Variants in CACNA2D3 observed in about 807,000 individuals in gnomAD.
CACNA2D3 encodes calcium voltage-gated channel auxiliary subunit alpha2delta 3.
A neutral mutation model predicts 160.6 loss-of-function variants in CACNA2D3; 60 were observed. The observed-to-expected ratio is 0.37, with a 90% CI of 0.30 to 0.46. CACNA2D3 has a LOEUF of 0.46. Among genes scored for constraint, CACNA2D3 ranks in the 20% least tolerant of loss-of-function variants. CACNA2D3 has a pLI of 1.00. For missense variants in CACNA2D3, 1,205 were observed against 1,365.0 expected, an observed-to-expected ratio of 0.88 and a Z score of 1.85; for synonymous variants, 558 against 492.9, an observed-to-expected ratio of 1.13 and a Z score of -1.75.
chr3:54,274,010 G>C (rs1301379992), intron 2 of CACNA2D3, among the ~76,000 whole-genome samples: 1 of 143,942 alleles, frequency 6.9e-6, no homozygotes, highest in South Asian at 2.1e-4. Context: ...GTGGGCGTAT[G>C]GCTGTCATTA....
chr3:54,477,461 T>C (rs1047604696), intron 4 of CACNA2D3, among the ~76,000 whole-genome samples: 3 of 152,134 alleles, frequency 2.0e-5, no homozygotes, highest in South Asian at 2.1e-4. Context: ...GCTTCTCTTC[T>C]TGTGTTTCCC....
chr3:54,400,499 C>T (rs1406124925), intron 4 of CACNA2D3, among the ~76,000 whole-genome samples: 1 of 152,168 alleles, frequency 6.6e-6, no homozygotes, highest in Non-Finnish European at 1.5e-5. Flanking sequence ...ATCTAAGACT[C>T]ACCATTGTGT....
intron 9 of CACNA2D3, among the ~76,000 whole-genome samples, chr3:54,617,411 C>G (rs1698877054): frequency 6.6e-6 from 1 of 152,182 alleles, no homozygotes; most frequent in African/African-American, 2.4e-5. Context: ...CCCTCAAGTT[C>G]AGACGTGGTG....
chr3:54,456,309 T>G (rs1249911825), intron 4 of CACNA2D3, among the ~76,000 whole-genome samples: 1 of 152,022 alleles, frequency 6.6e-6, no homozygotes, highest in African/African-American at 2.4e-5. Flanking sequence ...TTTATTTATT[T>G]TTGGTACCAA....
At chr3:54,681,016 G>T (rs942053082) in intron 11 of CACNA2D3, among the ~76,000 whole-genome samples, 5 of 152,090 alleles carry the variant, frequency 3.3e-5, no homozygotes, top group Non-Finnish European at 5.9e-5. Flanking sequence ...TTAAGAGAGA[G>T]AACATGGCTT....
At chr3:55,014,769 A>T (rs1271667720) in intron 34 of CACNA2D3, among the ~76,000 whole-genome samples, 1 of 152,132 alleles carries the variant, frequency 6.6e-6, no homozygotes, top group Non-Finnish European at 1.5e-5. Context: ...TATCCGGTAG[A>T]TTGCAAGCAG....
At chr3:54,944,814 GGTGTGTGT>G (rs34193625) in intron 27 of CACNA2D3, among the ~76,000 whole-genome samples, 68 of 111,410 alleles carry the variant, frequency 6.1e-4, no homozygotes, top group Non-Finnish European at 8.6e-4. Flanking sequence ...TAGAGCTGGG[GGTGTGTGT>G]GTGTGTGTGT....
intron 35 of CACNA2D3, among the ~76,000 whole-genome samples, chr3:55,029,643 T>C (rs894154221): frequency 1.3e-5 from 2 of 152,156 alleles, no homozygotes; most frequent in African/African-American, 4.8e-5. Context: ...CTGGGTCTAC[T>C]TGAGCTCTTG....
intron 12 of CACNA2D3, among the ~76,000 whole-genome samples, chr3:54,760,181 C>A (rs573215753): frequency 6.6e-6 from 1 of 152,102 alleles, no homozygotes; most frequent in Non-Finnish European, 1.5e-5. Flanking sequence ...TCTGAAGGGA[C>A]TGATGCAGGG....
intron 35 of CACNA2D3, among the ~76,000 whole-genome samples, chr3:55,024,410 T>A (rs1703520976): frequency 6.6e-6 from 1 of 152,060 alleles, no homozygotes; most frequent in Non-Finnish European, 1.5e-5. Flanking sequence ...AAAATCTACT[T>A]GTTGGAACCT....
At position 54,306,899 on chromosome 3, in the gene CACNA2D3, G is replaced by C. The variant is rs56998438; in HGVS notation, c.205-13543G>C. 3.8e-3 allele frequency among the ~76,000 whole-genome samples: 584 copies of C among 152,290 alleles called. 15 individuals carry two copies. In the East Asian group the frequency reaches 0.063, roughly 16 times the overall value. On this transcript the variant is annotated intron_variant, in intron 2 of 37. Coordinates refer to ENST00000474759, the MANE Select transcript of CACNA2D3 (RefSeq NM_018398.3). ...ATGTTCAAAGAACTGGACTCAGTGG[G>C]AGATTTCATATAAAAACACAGATTT...
At chr3:54,467,956 A>G (rs1345518621) in intron 4 of CACNA2D3, among the ~76,000 whole-genome samples, 4 of 152,240 alleles carry the variant, frequency 2.6e-5, no homozygotes, top group Non-Finnish European at 5.9e-5. Context: ...TACACAGTGT[A>G]TGCATGTGTC....
At chr3:54,690,441 A>G (rs1287057518) in intron 11 of CACNA2D3, among the ~76,000 whole-genome samples, 1 of 152,216 alleles carries the variant, frequency 6.6e-6, no homozygotes, top group Non-Finnish European at 1.5e-5. Flanking sequence ...CTAAATACTC[A>G]TAACAGGGCC....
At chr3:54,973,796 C>T (rs969534118) in intron 29 of CACNA2D3, among the ~76,000 whole-genome samples, 2 of 152,160 alleles carry the variant, frequency 1.3e-5, no homozygotes, top group South Asian at 2.1e-4. Flanking sequence ...TTGATATGAT[C>T]ATTAGTTAAT....
chr3:54,382,492 G>A (rs2106649395), intron 3 of CACNA2D3, among the ~76,000 whole-genome samples: 1 of 152,278 alleles, frequency 6.6e-6, no homozygotes, highest in South Asian at 2.1e-4. Flanking sequence ...TTATTAACTG[G>A]AGAAACTTGG....
At chr3:54,809,230 C>T (rs568342165) in intron 13 of CACNA2D3, among the ~76,000 whole-genome samples, 2 of 150,344 alleles carry the variant, frequency 1.3e-5, no homozygotes, top group African/African-American at 2.5e-5. Flanking sequence ...TCTCATTTCT[C>T]TCTTTCTCTC....
intron 5 of CACNA2D3, among the ~76,000 whole-genome samples, chr3:54,532,989 A>T (rs1418566622): frequency 6.6e-6 from 1 of 152,184 alleles, no homozygotes; most frequent in African/African-American, 2.4e-5. Flanking sequence ...GATAATGGCC[A>T]TTCTTACTAG....
At chr3:54,341,801 C>T (rs1156337595) in intron 3 of CACNA2D3, among the ~76,000 whole-genome samples, 2 of 152,188 alleles carry the variant, frequency 1.3e-5, no homozygotes, top group Non-Finnish European at 2.9e-5. Flanking sequence ...ACTAACTGCA[C>T]TCCTTCAAGC....
At chr3:54,453,427 G>C (rs959234134) in intron 4 of CACNA2D3, among the ~76,000 whole-genome samples, 6 of 152,158 alleles carry the variant, frequency 3.9e-5, no homozygotes, top group Non-Finnish European at 7.4e-5. Flanking sequence ...CTGTGGGTAG[G>C]ACTTCAACAT....
Sources: gnomAD v4.1 joint callset for allele counts (sites outside exome capture counted in the v4.1 genomes callset) on GRCh38, gnomAD v4.1.1 for gene constraint, MANE v1.5 for transcripts, NCBI Gene and HGNC (gene_info 2026-07-23, HGNC 2026-07-21) for gene names.